The following CEP192 variants were observed in gnomAD, a reference collection of about 807,000 sequenced individuals.
CEP192 encodes the protein centrosomal protein 192, also known as centrosomal protein of 192 kDa.
Under a neutral mutation model 271.8 loss-of-function variants are expected in CEP192, and 151 were observed. The observed-to-expected ratio is 0.56, with a 90% CI of 0.49 to 0.64. The LOEUF (loss-of-function observed/expected upper bound fraction) is 0.64, where lower values mean the gene tolerates loss of function less well. Ranked by LOEUF, CEP192 falls within the 30% of genes least tolerant of loss-of-function variation. CEP192 has a pLI of 0.00. For synonymous variants in CEP192, 995 were observed against 1,076.5 expected (o/e 0.92, Z 1.48); for missense variants, 2,910 against 3,020.5 (o/e 0.96, Z 0.86).
At chr18:13,123,005 A>T (rs1290835846) in intron 44 of CEP192, among the ~76,000 whole-genome samples, 1 of 152,206 alleles carries the variant, frequency 6.6e-6, no homozygotes, top group Non-Finnish European at 1.5e-5. Flanking sequence ...TGTAAATCTA[A>T]AGCAGATGAT....
intron 38 of CEP192, 132 bp downstream of exon 38, chr18:13,100,644 A>C (rs2144882361): frequency 1.5e-6 from 1 of 652,370 alleles, no homozygotes; most frequent in Non-Finnish European, 2.6e-6. Context: ...ATTAGCAGTC[A>C]TTTCAATGAT....
intron 30 of CEP192, among the ~76,000 whole-genome samples, chr18:13,075,213 C>T (rs779405666): frequency 3.9e-5 from 6 of 152,114 alleles, no homozygotes; most frequent in Non-Finnish European, 8.8e-5. Context: ...TTCTGCCATG[C>T]GAGGACACAG....
At chr18:13,023,327 A>G (rs748320725) in intron 9 of CEP192, among the ~76,000 whole-genome samples, 2 of 152,074 alleles carry the variant, frequency 1.3e-5, no homozygotes, top group Non-Finnish European at 2.9e-5. Context: ...CTTATTTCTG[A>G]TCTTAGTGGA....
At chr18:13,009,766 G>A (rs1251747119) in intron 4 of CEP192, among the ~76,000 whole-genome samples, 3 of 152,244 alleles carry the variant, frequency 2.0e-5, no homozygotes, top group African/African-American at 7.2e-5. Flanking sequence ...CCGGGAGGCG[G>A]AGATTGCAGC....
At chr18:13,117,363 A>G (rs546150536) in intron 43 of CEP192, among the ~76,000 whole-genome samples, 61 of 152,204 alleles carry the variant, frequency 4.0e-4, no homozygotes, top group Non-Finnish European at 7.6e-4. Flanking sequence ...TTATACACAC[A>G]TATTTCTGGA....
At chr18:13,031,483 G>T (rs1466903063) in intron 11 of CEP192, among the ~76,000 whole-genome samples, 1 of 151,958 alleles carries the variant, frequency 6.6e-6, no homozygotes, top group Non-Finnish European at 1.5e-5. Context: ...TCCTGACCTC[G>T]TGATCTGCCC....
At chr18:13,055,333 A>G (rs960299104) in intron 18 of CEP192, among the ~76,000 whole-genome samples, 1 of 151,344 alleles carries the variant, frequency 6.6e-6, no homozygotes, top group East Asian at 1.9e-4. Flanking sequence ...AGGCAGTAGC[A>G]TGGACAGATG....
At position 13,073,854 on chromosome 18, in the gene CEP192, G is replaced by A. The variant is rs2038136738; in HGVS notation, c.5616+669G>A. Among the ~76,000 whole-genome samples, 4 of 152,346 alleles carry A rather than the reference G, an allele frequency of 2.6e-5. No individual in the cohort carries two copies. The South Asian group carries it at 8.3e-4, about 32-fold the overall frequency. The stretch of plus-strand genomic sequence containing the variant: ...CACATTGGGGACTAGGTTTCAACAT[G>A]TGAATTTGCGGGGGGACATCACCGT... On this transcript the variant is annotated intron_variant, in intron 30 of 44. Transcript: ENST00000506447.
In CEP192 at chr18:13,096,275, A is replaced by C. The variant is rs746262686; in HGVS notation, c.6525A>C (p.Thr2175=). The C allele has an allele frequency of 6.2e-7, 1 of 1,613,914 alleles. No homozygotes were observed. Among genetic ancestry groups the C allele is most frequent in the Non-Finnish European group, 8.5e-7 (1 of 1,179,870 alleles). Residue 2175 remains threonine, a synonymous_variant, in exon 36 of 45, where the codon ACA becomes ACC. Coordinates refer to ENST00000506447, the MANE Select transcript of CEP192 (RefSeq NM_032142.4). ...FELCWPAHCL[T]VTPQHGCVAP... ...TGTGCTGGCCAGCGCATTGCCTCAC[A>C]GTCACGCCGCAGCATGGATGTGTCG... is the stretch of plus-strand genomic sequence containing the variant.
chr18:13,026,371 AG>A (rs1415022036), intron 9 of CEP192, among the ~76,000 whole-genome samples: 2 of 152,304 alleles, frequency 1.3e-5, no homozygotes, highest in African/African-American at 4.8e-5. Context: ...TTCCAAGTAC[AG>A]CCCTATTGCA....
chr18:13,032,953 A>G (rs1367359445), intron 11 of CEP192, among the ~76,000 whole-genome samples: 4 of 152,240 alleles, frequency 2.6e-5, no homozygotes, highest in Non-Finnish European at 5.9e-5. Flanking sequence ...ATTTGTATAC[A>G]GCTGGGCAAT....
Position 13,100,302 on chromosome 18 carries a change from C to T in CEP192, c.6664-3C>T, listed in dbSNP as rs756081094. 6.2e-7 allele frequency: 1 copy of T among 1,611,240 alleles called. No individual in the cohort carries two copies. The highest frequency in any genetic ancestry group is 8.5e-7 in the Non-Finnish European group (1 of 1,177,500). On this transcript the variant is annotated splice_region_variant and splice_polypyrimidine_tract_variant and intron_variant, in intron 37 of 44. Coordinates refer to ENST00000506447, the MANE Select transcript of CEP192 (RefSeq NM_032142.4). ...GCTTATCCCTTTATTTGGCTCATTTCAGAAAATTGTGAAAGTTCAAATTCG... is the reference window on the plus strand; with the variant it reads ...GCTTATCCCTTTATTTGGCTCATTTTAGAAAATTGTGAAAGTTCAAATTCG...
At position 13,117,654 on chromosome 18, in the gene CEP192, C is replaced by T. The variant is rs773929900; in HGVS notation, c.7475+11C>T. 15 of 1,607,172 alleles carry T rather than the reference C, an allele frequency of 9.3e-6. No individual in the cohort carries two copies. Among genetic ancestry groups the T allele is most frequent in the Non-Finnish European group, 1.1e-5 (13 of 1,173,992 alleles). ...CAAGTACTCTTTGAGGTAAGTTTAT[C>T]GCAGATCACAGTGTTCTCATCAGCG... On this transcript the variant is annotated intron_variant, in intron 44 of 44. Transcript: ENST00000506447.
chr18:12,995,155 G>A (rs933203154), intron 1 of CEP192, among the ~76,000 whole-genome samples: 1 of 144,962 alleles, frequency 6.9e-6, no homozygotes, highest in South Asian at 2.2e-4. Context: ...TCTGCCTCCC[G>A]GATTCACGCC....
rs150115668 is a variant in CEP192 at position 13,087,236 on chromosome 18, A to T, written c.5836A>T (p.Ile1946Phe). ...TTTGCTGGATCCTAAAGTATTGAGG[A>T]TTTTTCCAGATAAATTTGTACTCAA... is the stretch of plus-strand genomic sequence containing the variant. ...KVLLDPKVLR[I>F]FPDKFVLKER... The change falls in exon 31 of 45, where the codon ATT (isoleucine) becomes TTT (phenylalanine). Residue 1946 changes from isoleucine to phenylalanine, a missense_variant. Ile to Phe is a conservative substitution (Grantham distance 21). Coordinates refer to ENST00000506447, the MANE Select transcript of CEP192 (RefSeq NM_032142.4). The T allele has an allele frequency of 9.9e-6, 16 of 1,610,240 alleles. No homozygotes were observed. Among genetic ancestry groups the T allele is most frequent in the Non-Finnish European group, 1.4e-5 (16 of 1,176,806 alleles).
At chr18:13,001,365 T>C (rs1186782777) in intron 2 of CEP192, 92 bp from the exon 3 acceptor site, 3 of 801,824 alleles carry the variant, frequency 3.7e-6, no homozygotes, top group Middle Eastern at 3.8e-4. Flanking sequence ...ACCCCGGTGG[T>C]TGGTTTTACT....
intron 40 of CEP192, among the ~76,000 whole-genome samples, 157 bp downstream of exon 40, chr18:13,105,236 T>G (rs936279922): frequency 2.0e-5 from 3 of 152,198 alleles, no homozygotes; most frequent in Non-Finnish European, 4.4e-5. Flanking sequence ...CAATGCGCTG[T>G]AGCAGATAGT....
chr18:13,042,355 G>A (rs755605105), intron 15 of CEP192, 21 bp downstream of exon 15: 1 of 1,612,438 alleles, frequency 6.2e-7, no homozygotes, highest in Non-Finnish European at 8.5e-7. Context: ...CCTTTCGTAA[G>A]GAAATCTAAG....
rs915237774 is a variant in CEP192, at chr18:13,124,831, C to G, written c.*61C>G. On this transcript the variant is annotated 3_prime_UTR_variant, in exon 45 of 45. Coordinates refer to ENST00000506447, the MANE Select transcript of CEP192 (RefSeq NM_032142.4). The stretch of plus-strand genomic sequence containing the variant: ...GTTGTATTTTGTTAACTTTATCTTT[C>G]TACACTACAATTATGCTTTTGTATA... 1.6e-6 allele frequency: 2 copies of G among 1,280,020 alleles called. No individual in the cohort carries two copies. Among genetic ancestry groups the G allele is most frequent in the African/African-American group, 1.5e-5 (1 of 67,462 alleles). 79.3% of individuals were successfully genotyped at this position (1,280,020 alleles called of 1,614,324 possible). A position where few individuals can be genotyped will look rare whatever the true frequency, so the allele number is the denominator to read the frequency against.
Sources: gnomAD v4.1 joint callset for allele counts (sites outside exome capture counted in the v4.1 genomes callset) on GRCh38, gnomAD v4.1.1 for gene constraint, MANE v1.5 for transcripts, NCBI Gene and HGNC (gene_info 2026-07-23, HGNC 2026-07-21) for gene names.